Variants in CCDC39 observed in about 807,000 individuals in gnomAD.
CCDC39 encodes the protein coiled-coil domain 39 molecular ruler complex subunit.
In CCDC39, 113 loss-of-function variants were observed where a neutral mutation model predicts 121.0. That is an observed-to-expected ratio of 0.93 (90% CI 0.80 to 1.09). The LOEUF (loss-of-function observed/expected upper bound fraction) is 1.09, where lower values mean the gene tolerates loss of function less well. Ranked by LOEUF, CCDC39 falls within the 50% of genes least tolerant of loss-of-function variation. The probability of loss-of-function intolerance (pLI) is 0.00; values close to 1 mark genes in which losing one functional copy is unlikely to be tolerated. For synonymous variants in CCDC39, 349 were observed against 352.2 expected (o/e 0.99, Z 0.10); for missense variants, 1,063 against 1,074.7 (o/e 0.99, Z 0.15).
At chr3:180,660,377 AT>A in intron 4 of CCDC39, among the ~76,000 whole-genome samples, 192 bp downstream of exon 4, 1 of 152,200 alleles carries the variant, frequency 6.6e-6, no homozygotes, top group East Asian at 1.9e-4. Flanking sequence ...AGTCAGCAAT[AT>A]TTTATGGGTA....
At chr3:180,675,128 T>C (rs1712158884) in intron 1 of CCDC39, among the ~76,000 whole-genome samples, 2 of 152,172 alleles carry the variant, frequency 1.3e-5, no homozygotes, top group East Asian at 1.9e-4. Context: ...TTTTGGTTGG[T>C]AAGCTATTAA....
chr3:180,678,518 G>T (rs1379505505), intron 1 of CCDC39, among the ~76,000 whole-genome samples: 2 of 151,190 alleles, frequency 1.3e-5, no homozygotes, highest in Non-Finnish European at 2.9e-5. Flanking sequence ...TTATTTTTTC[G>T]TAGAGACGCG....
intron 13 of CCDC39, among the ~76,000 whole-genome samples, chr3:180,639,727 T>A (rs1560086103): frequency 6.6e-6 from 1 of 152,018 alleles, no homozygotes; most frequent in Non-Finnish European, 1.5e-5. Context: ...AAATTACTGC[T>A]AAAGAACTTA....
At chr3:180,616,064 A>G (rs1476028806) in intron 19 of CCDC39, among the ~76,000 whole-genome samples, 1 of 152,232 alleles carries the variant, frequency 6.6e-6, no homozygotes, top group Admixed American at 6.5e-5. Context: ...TACTGGAAAT[A>G]GTGACACCAG....
At chr3:180,625,062 C>T (rs537890630) in intron 14 of CCDC39, among the ~76,000 whole-genome samples, 15 of 152,230 alleles carry the variant, frequency 9.9e-5, no homozygotes, top group African/African-American at 3.1e-4. Context: ...GTCTCGGCGT[C>T]TAACTCTCTT....
chr3:180,661,961 A>G lies in CCDC39; in HGVS notation c.257T>C (p.Phe86Ser). ...CAATTCTCTTTGAGCAATGGCCTTA[A>G]AATGTTCTTCACTTTCAGTCTCACG... is the stretch of plus-strand genomic sequence containing the variant. Reference protein sequence around the residue: ...RERETESEEHFKAIAQRELGR... With the variant: ...RERETESEEHSKAIAQRELGR... The change falls in exon 3 of 20, where the codon TTT becomes TCT. Residue 86 changes from phenylalanine to serine, a missense_variant. By Grantham distance (155) the Phe-to-Ser change is radical. Coordinates refer to ENST00000476379, the MANE Select transcript of CCDC39 (RefSeq NM_181426.2). 1.3e-6 allele frequency: 2 copies of G among 1,560,270 alleles called. No individual in the cohort carries two copies. Among genetic ancestry groups the G allele is most frequent in the Non-Finnish European group, 1.7e-6 (2 of 1,150,732 alleles).
At position 180,616,503 on chromosome 3, in the gene CCDC39, G is replaced by A; in HGVS notation, c.2586+13C>T. The A allele has an allele frequency of 6.6e-7, 1 of 1,516,108 alleles. No individual in the cohort carries two copies. The highest frequency in any genetic ancestry group is 2.2e-5 in the Admixed American group (1 of 44,446). 93.9% of individuals were successfully genotyped at this position (1,516,108 alleles called of 1,614,324 possible). ...AGTTTTTAAGAAATATTTAATAGAA[G>A]GTGCTGTATTACCTGTTGAAAGTAT... On this transcript the variant is annotated intron_variant, in intron 18 of 19. Coordinates refer to ENST00000476379, the MANE Select transcript of CCDC39 (RefSeq NM_181426.2).
At chr3:180,660,125 T>C (rs571658500) in intron 4 of CCDC39, among the ~76,000 whole-genome samples, 88 of 152,206 alleles carry the variant, frequency 5.8e-4, no homozygotes, top group African/African-American at 2.0e-3. Context: ...TATCACCAGA[T>C]ATAAGTAGAT....
At chr3:180,660,518 A>T in intron 4 of CCDC39, 52 bp downstream of exon 4, 3 of 1,438,256 alleles carry the variant, frequency 2.1e-6, no homozygotes, top group South Asian at 2.9e-5. Context: ...AAATAGGTTG[A>T]CATACTACAG....
At position 180,619,134 on chromosome 3, in the gene CCDC39, T is replaced by A. The variant is rs527450183; in HGVS notation, c.2265+125A>T. 195 of 641,144 alleles carry A rather than the reference T, an allele frequency of 3.0e-4. No homozygotes were observed. The African/African-American group carries it at 3.3e-3, about 11-fold the overall frequency. 39.7% of individuals were successfully genotyped at this position (641,144 alleles called of 1,614,324 possible). A position where few individuals can be genotyped will look rare whatever the true frequency, so the allele number is the denominator to read the frequency against. On this transcript the variant is annotated intron_variant, in intron 16 of 19. Coordinates refer to ENST00000476379, the MANE Select transcript of CCDC39 (RefSeq NM_181426.2). ...TAAATGAGACTGTTATCTCTTACTA[T>A]CTACTTCCCTAAAAGAGATTCTAAA...
intron 14 of CCDC39, among the ~76,000 whole-genome samples, chr3:180,629,529 T>TATCACCATGCACTGGC (rs1460760672): frequency 1.3e-5 from 2 of 152,236 alleles, no homozygotes; most frequent in Non-Finnish European, 2.9e-5. Flanking sequence ...AACACCTTGG[T>TATCACCATGCACTGGC]ATCACCATGC....
At chr3:180,667,531 C>T (rs1005011121) in intron 1 of CCDC39, among the ~76,000 whole-genome samples, 9 of 152,006 alleles carry the variant, frequency 5.9e-5, no homozygotes, top group Non-Finnish European at 8.8e-5. Context: ...GATCAGTGAG[C>T]GTCGATGTTA....
Position 180,642,124 on chromosome 3 carries a change from T to A in CCDC39, c.1743A>T (p.Glu581Asp). ...TREMLHSKAE[E>D]VLSLEKRKQQ... ...GTTTTCTTTTTTCTAGGGAAAGAAC[T>A]TCTTCTGCCTTACTGTGAAGCATTT... Residue 581 changes from glutamate to aspartate, a missense_variant, in exon 13 of 20, where the codon GAA becomes GAT. Transcript: ENST00000476379. The A allele has an allele frequency of 1.2e-6, 2 of 1,612,792 alleles. No individual in the cohort carries two copies. Among genetic ancestry groups the A allele is most frequent in the Non-Finnish European group, 1.7e-6 (2 of 1,179,006 alleles).
At chr3:180,677,143 T>TATA (rs1360650472) in intron 1 of CCDC39, among the ~76,000 whole-genome samples, 92 of 110,156 alleles carry the variant, frequency 8.4e-4, no homozygotes, top group East Asian at 1.3e-3. Context: ...CTTAAAGTAT[T>TATA]ATAATAATAA....
intron 13 of CCDC39, among the ~76,000 whole-genome samples, chr3:180,636,521 C>A (rs953534572): frequency 1.3e-5 from 2 of 152,174 alleles, no homozygotes; most frequent in African/African-American, 4.8e-5. Flanking sequence ...AAGCAATTTA[C>A]AGATTCAATG....
intron 1 of CCDC39, among the ~76,000 whole-genome samples, chr3:180,677,011 G>A (rs988064956): frequency 1.8e-4 from 27 of 150,966 alleles, no homozygotes; most frequent in South Asian, 8.4e-4. Context: ...TGTGGGCAGC[G>A]GGGAGGGATA....
At chr3:180,644,308 A>G (rs1402933920) in intron 11 of CCDC39, 51 bp from the exon 12 acceptor site, 1 of 1,087,094 alleles carries the variant, frequency 9.2e-7, no homozygotes, top group Admixed American at 2.9e-5. Context: ...TATTGACAAA[A>G]ATATTAAATA....
intron 1 of CCDC39, among the ~76,000 whole-genome samples, chr3:180,665,720 T>C (rs184481859): frequency 1.3e-5 from 2 of 151,906 alleles, no homozygotes; most frequent in African/African-American, 2.4e-5. Context: ...GCAGTCTCTT[T>C]ATTGTTTTCT....
At chr3:180,623,568 A>G (rs1362529902) in intron 14 of CCDC39, among the ~76,000 whole-genome samples, 1 of 151,928 alleles carries the variant, frequency 6.6e-6, no homozygotes, top group Non-Finnish European at 1.5e-5. Context: ...TGATCTTTCT[A>G]CATTTTTGAT....
Sources: allele counts gnomAD v4.1 joint callset (sites outside exome capture counted in the v4.1 genomes callset), GRCh38; gene constraint gnomAD v4.1.1; transcripts MANE v1.5; gene names NCBI Gene and HGNC (gene_info 2026-07-23, HGNC 2026-07-21).